Variants in RNF130 observed in about 807,000 individuals in gnomAD.
The protein encoded by RNF130 is ring finger protein 130.
RNF130 carries 21 observed loss-of-function variants against 44.6 expected under a neutral mutation model. That is an observed-to-expected ratio of 0.47 (90% CI 0.33 to 0.68). RNF130 has a LOEUF of 0.68. Among genes scored for constraint, RNF130 ranks in the 30% least tolerant of loss-of-function variants. RNF130 has a pLI of 0.02. For missense variants in RNF130, 479 were observed against 560.6 expected, an observed-to-expected ratio of 0.85 and a Z score of 1.47; for synonymous variants, 214 against 210.4, an observed-to-expected ratio of 1.02 and a Z score of -0.15.
At chr5:179,995,835 G>C (rs2115042) in intron 3 of RNF130, among the ~76,000 whole-genome samples, 1 of 152,112 alleles carries the variant, frequency 6.6e-6, no homozygotes, top group East Asian at 1.9e-4. Context: ...TGTCTGAAAT[G>C]TTCTGTTCAA....
chr5:179,973,934 C>T (rs1012507451), intron 5 of RNF130, among the ~76,000 whole-genome samples: 1 of 152,084 alleles, frequency 6.6e-6, no homozygotes, highest in Non-Finnish European at 1.5e-5. Context: ...ACAAATAGAA[C>T]ATGAAAGGAA....
chr5:180,032,485 C>A (rs1426175484), intron 2 of RNF130, among the ~76,000 whole-genome samples: 3 of 152,138 alleles, frequency 2.0e-5, no homozygotes, highest in African/African-American at 7.2e-5. Context: ...GATTCTACCA[C>A]TTTAGCCTCC....
At chr5:179,946,455 G>A (rs1157582712) in intron 7 of RNF130, among the ~76,000 whole-genome samples, 2 of 152,098 alleles carry the variant, frequency 1.3e-5, no homozygotes, top group African/African-American at 2.4e-5. Context: ...AAAACTTTAA[G>A]GTAAAGAAAC....
chr5:179,924,258 G>A (rs2113671685), intron 7 of RNF130, among the ~76,000 whole-genome samples: 1 of 152,246 alleles, frequency 6.6e-6, no homozygotes, highest in Non-Finnish European at 1.5e-5. Context: ...CACTTTGGGA[G>A]GCTAAGGCGG....
At chr5:179,972,625 T>C (rs1443287843) in intron 5 of RNF130, among the ~76,000 whole-genome samples, 1 of 151,902 alleles carries the variant, frequency 6.6e-6, no homozygotes, top group Non-Finnish European at 1.5e-5. Context: ...TGCTGAACTG[T>C]TGGTGGGGAC....
intron 7 of RNF130, among the ~76,000 whole-genome samples, chr5:179,965,547 T>G (rs1360208415): frequency 2.6e-5 from 4 of 152,232 alleles, no homozygotes; most frequent in African/African-American, 9.7e-5. Flanking sequence ...CAATAAATGT[T>G]TGATCAATGA....
intron 3 of RNF130, among the ~76,000 whole-genome samples, chr5:180,002,462 C>A (rs1486430028): frequency 6.6e-6 from 1 of 152,146 alleles, no homozygotes. Flanking sequence ...GCTCCAATTC[C>A]AAGATGGTAT....
chr5:180,055,281 C>CA (rs869087305), intron 1 of RNF130, among the ~76,000 whole-genome samples: 5 of 45,684 alleles, frequency 1.1e-4, no homozygotes, highest in Non-Finnish European at 1.7e-4. Flanking sequence ...AAAAAAAAAA[C>CA]AAAAAAAAAC....
intron 1 of RNF130, among the ~76,000 whole-genome samples, chr5:180,050,115 T>A (rs945151790): frequency 2.0e-5 from 3 of 152,206 alleles, no homozygotes; most frequent in African/African-American, 7.2e-5. Flanking sequence ...GCAGGGCCAC[T>A]CTCCCTATGT....
chr5:179,947,023 G>GCACA lies in RNF130; in HGVS notation c.1150+19782_1150+19783insTGTG, dbSNP rs1762052250. Among the ~76,000 whole-genome samples the GCACA allele has an allele frequency of 3.3e-5, 5 of 152,274 alleles. No homozygotes were observed. In the South Asian group the frequency reaches 1.0e-3, roughly 32 times the overall value. ...TCTCAACACCTCTCTCCCTGAGGATGCACTGTTGAGTGTGCACAAGTGCAC... is the reference window on the plus strand; with the variant it reads ...TCTCAACACCTCTCTCCCTGAGGATGCACACACTGTTGAGTGTGCACAAGTGCAC... On this transcript the variant is annotated intron_variant, in intron 7 of 7. Transcript: ENST00000522208.
At chr5:180,015,242 G>A (rs574348925) in intron 2 of RNF130, 15 of 454,586 alleles carry the variant, frequency 3.3e-5, no homozygotes, top group Middle Eastern at 3.5e-4. Flanking sequence ...ATGCTAAACC[G>A]CTTTAAATTT....
At chr5:179,956,321 C>T (rs1056816350) in intron 8 of RNF130, 2 of 152,236 alleles carry the variant, frequency 1.3e-5, no homozygotes, top group African/African-American at 4.8e-5. Context: ...TTCTGCTGAG[C>T]TCCAGATCTC....
At chr5:179,970,564 A>G (rs1195381948) in intron 5 of RNF130, 58 bp from the exon 6 acceptor site, 50 of 1,316,376 alleles carry the variant, frequency 3.8e-5, no homozygotes, top group Non-Finnish European at 5.1e-5. Flanking sequence ...TATTAGGCCA[A>G]AATGGAAAGA....
chr5:180,038,736 C>A (rs1764336347), intron 2 of RNF130, among the ~76,000 whole-genome samples: 1 of 152,038 alleles, frequency 6.6e-6, no homozygotes, highest in South Asian at 2.1e-4. Flanking sequence ...TCAATTCCCT[C>A]ATAATTCCCA....
chr5:179,999,273 G>A (rs796137614), intron 3 of RNF130, among the ~76,000 whole-genome samples: 16 of 151,776 alleles, frequency 1.1e-4, no homozygotes, highest in African/African-American at 1.4e-4. Context: ...CACCTGCCTC[G>A]GCCTCCCGAA....
chr5:179,976,466 C>T (rs1399704660), intron 5 of RNF130, among the ~76,000 whole-genome samples: 5 of 152,190 alleles, frequency 3.3e-5, no homozygotes, highest in East Asian at 1.9e-4. Flanking sequence ...CCCTGTGTCC[C>T]GCTGGCCCTT....
At chr5:179,959,710 G>C (rs1220615182) in intron 8 of RNF130, among the ~76,000 whole-genome samples, 2 of 152,000 alleles carry the variant, frequency 1.3e-5, no homozygotes, top group African/African-American at 4.8e-5. Context: ...TATAAATAAA[G>C]GAGTTTATAT....
intron 1 of RNF130, among the ~76,000 whole-genome samples, chr5:180,044,974 T>C (rs1174674065): frequency 6.6e-6 from 1 of 152,172 alleles, no homozygotes; most frequent in Admixed American, 6.5e-5. Context: ...CAAGATTTAG[T>C]GTTAGCTGGA....
intron 3 of RNF130, among the ~76,000 whole-genome samples, chr5:180,010,454 A>C (rs980618098): frequency 6.6e-6 from 1 of 151,856 alleles, no homozygotes; most frequent in Non-Finnish European, 1.5e-5. Context: ...CTGCCTCCCA[A>C]GTTCAAGCAA....
Sources: gnomAD v4.1 joint callset for allele counts (sites outside exome capture counted in the v4.1 genomes callset) on GRCh38, gnomAD v4.1.1 for gene constraint, MANE v1.5 for transcripts, NCBI Gene and HGNC (gene_info 2026-07-23, HGNC 2026-07-21) for gene names.